ANKRD28: variants seen among roughly 807,000 people sequenced by gnomAD.
ANKRD28 encodes the protein serine/threonine-protein phosphatase 6 regulatory ankyrin repeat subunit A.
ANKRD28 carries 44 observed loss-of-function variants against 126.5 expected under a neutral mutation model. The observed-to-expected ratio is 0.35, with a 90% CI of 0.27 to 0.45. ANKRD28 has a LOEUF of 0.45. Among genes scored for constraint, ANKRD28 ranks in the 20% least tolerant of loss-of-function variants. The pLI is 1.00. For missense variants in ANKRD28, 1,110 were observed against 1,316.6 expected (o/e 0.84, Z 2.43); for synonymous variants, 442 against 468.5 (o/e 0.94, Z 0.73).
chr3:15,733,663 A>T (rs1464338817), intron 6 of ANKRD28, among the ~76,000 whole-genome samples: 1 of 152,236 alleles, frequency 6.6e-6, no homozygotes, highest in Non-Finnish European at 1.5e-5. Flanking sequence ...CTGATGCATG[A>T]ATGCTGTTGC....
intron 1 of ANKRD28, among the ~76,000 whole-genome samples, chr3:15,810,948 C>T (rs1007737618): frequency 2.0e-5 from 3 of 152,144 alleles, no homozygotes; most frequent in Admixed American, 2.0e-4. Context: ...GCAAACCAAG[C>T]CTACTGTGAG....
chr3:15,731,392 TAC>T lies in ANKRD28; in HGVS notation c.640+4016_640+4017del, dbSNP rs1001598033. ...CATGTAAGCCTCTTAACGTAAGATG[TAC>T]AGTTTTACATCACATAACCTGGTTG... On this transcript the variant is annotated intron_variant, in intron 6 of 27. Coordinates refer to ENST00000683139, the MANE Select transcript of ANKRD28 (RefSeq NM_001349278.2). Among the ~76,000 whole-genome samples, 81 of 152,342 alleles carry T rather than the reference TAC, an allele frequency of 5.3e-4. No homozygotes were observed. In the Middle Eastern group the frequency reaches 0.031, roughly 58 times the overall value.
intron 2 of ANKRD28, among the ~76,000 whole-genome samples, chr3:15,779,952 G>A (rs1429237668): frequency 6.6e-6 from 1 of 152,024 alleles, no homozygotes; most frequent in African/African-American, 2.4e-5. Flanking sequence ...GCCAAAAATG[G>A]CAGGCCCACA....
chr3:15,824,338 T>C (rs571775480), intron 1 of ANKRD28, among the ~76,000 whole-genome samples: 1 of 152,258 alleles, frequency 6.6e-6, no homozygotes, highest in Non-Finnish European at 1.5e-5. Context: ...GTATTTTTGA[T>C]AGTGACGGCA....
chr3:15,760,565 G>A, intron 3 of ANKRD28, among the ~76,000 whole-genome samples: 1 of 152,126 alleles, frequency 6.6e-6, no homozygotes, highest in East Asian at 1.9e-4. Context: ...TAGGAGAAAT[G>A]CAGTTGGAAA....
intron 10 of ANKRD28, among the ~76,000 whole-genome samples, chr3:15,712,608 A>G (rs900857121): frequency 1.3e-5 from 2 of 152,192 alleles, no homozygotes; most frequent in African/African-American, 4.8e-5. Flanking sequence ...AGGGAGCAAA[A>G]TTCACTACCC....
chr3:15,674,627 T>G (rs560378405), intron 27 of ANKRD28, among the ~76,000 whole-genome samples: 13 of 152,240 alleles, frequency 8.5e-5, no homozygotes, highest in Admixed American at 3.3e-4. Context: ...ATAGGTAGTA[T>G]TTAAAACCAA....
rs954807270 is a variant in ANKRD28 at position 15,815,928 on chromosome 3, C to T, written c.28-20622G>A. 2.6e-4 allele frequency among the ~76,000 whole-genome samples: 39 copies of T among 151,760 alleles called. No homozygotes were observed. Among genetic ancestry groups the T allele is most frequent in the African/African-American group, 8.8e-4 (36 of 41,102 alleles). ...CCAAAGAAAATTAATTTCTTGAGTA[C>T]GTCCATTTAAAAAGTTAATGTCTTC... On this transcript the variant is annotated intron_variant, in intron 1 of 27. Transcript: ENST00000399451. This position sits in a 1 kb window ranked among gnomAD's most constrained non-coding sequence, Gnocchi z 4.1.
chr3:15,824,447 T>C (rs1018213085), intron 1 of ANKRD28, among the ~76,000 whole-genome samples: 1 of 152,144 alleles, frequency 6.6e-6, no homozygotes, highest in African/African-American at 2.4e-5. Context: ...TGAGCTACTA[T>C]GCTTGGCCAA....
At position 15,667,818 on chromosome 3, in the gene ANKRD28, A is replaced by ATAAG. The variant is rs2066059823; in HGVS notation, c.*2448_*2451dup. On this transcript the variant is annotated 3_prime_UTR_variant, in exon 28 of 28. Transcript: ENST00000683139. Reference sequence around the variant, plus strand: ...TTTTTGGTAACAGCATCATTTACATATAAGTGATGCAGGATAGAAGTTCTG... The same window carrying ATAAG: ...TTTTTGGTAACAGCATCATTTACATATAAGTAAGTGATGCAGGATAGAAGTTCTG... The ATAAG allele has an allele frequency of 6.6e-6, 1 of 152,236 alleles. No individual in the cohort carries two copies. 9.4% of individuals were successfully genotyped at this position (152,236 alleles called of 1,614,324 possible). A position where few individuals can be genotyped will look rare whatever the true frequency, so the allele number is the denominator to read the frequency against.
At chr3:15,726,170 C>G (rs2074148098) in intron 6 of ANKRD28, among the ~76,000 whole-genome samples, 1 of 152,194 alleles carries the variant, frequency 6.6e-6, no homozygotes. Context: ...AATAACCCTA[C>G]AGCAGCCCCT....
intron 4 of ANKRD28, among the ~76,000 whole-genome samples, chr3:15,738,355 G>A (rs139021108): frequency 0.011 from 1,666 of 152,264 alleles, 96 homozygotes; most frequent in Admixed American, 0.086. Flanking sequence ...GGGAGTGTAC[G>A]AATAGGGTAT....
chr3:15,682,376 G>A (rs917621611), intron 21 of ANKRD28, among the ~76,000 whole-genome samples: 1 of 152,028 alleles, frequency 6.6e-6, no homozygotes, highest in African/African-American at 2.4e-5. Context: ...GAACAGTGGG[G>A]CCCCTTTGTG....
Position 15,839,908 on chromosome 3 carries a change from A to G in ANKRD28, c.27+19469T>C, listed in dbSNP as rs889012437. Among the ~76,000 whole-genome samples the G allele has an allele frequency of 6.6e-6, 1 of 152,208 alleles. No homozygotes were observed. Among genetic ancestry groups the G allele is most frequent in the African/African-American group, 2.4e-5 (1 of 41,450 alleles). The stretch of plus-strand genomic sequence containing the variant: ...ATACAGAAGAAACATACCTCAACAT[A>G]ATGAAAGCCATATACCACAGACACA... On this transcript the variant is annotated intron_variant, in intron 1 of 27. Transcript: ENST00000399451. This position sits in a 1 kb window ranked among gnomAD's most constrained non-coding sequence, Gnocchi z 4.3.
chr3:15,706,600 T>C (rs2071463988), intron 14 of ANKRD28, among the ~76,000 whole-genome samples: 2 of 152,194 alleles, frequency 1.3e-5, no homozygotes, highest in Admixed American at 1.3e-4. Context: ...TTTGGGTATA[T>C]ACCCAGTAAT....
intron 15 of ANKRD28, among the ~76,000 whole-genome samples, chr3:15,695,770 C>T (rs1234010784): frequency 6.6e-6 from 1 of 152,000 alleles, no homozygotes; most frequent in African/African-American, 2.4e-5. Context: ...TTTTGGAATT[C>T]CCTAAATATA....
In ANKRD28 at chr3:15,814,648, C is replaced by T. The variant is rs1480731139; in HGVS notation, c.28-19342G>A. Among the ~76,000 whole-genome samples, 2 of 151,968 alleles carry T rather than the reference C, an allele frequency of 1.3e-5. No homozygotes were observed. The highest frequency in any genetic ancestry group is 2.9e-5 in the Non-Finnish European group (2 of 67,946). Reference sequence around the variant, plus strand: ...ACACAAACACACACACACACATATACACACACAAACTTTTCAAATGCATTC... The same window carrying T: ...ACACAAACACACACACACACATATATACACACAAACTTTTCAAATGCATTC... On this transcript the variant is annotated intron_variant, in intron 1 of 27. Coordinates refer to the ANKRD28 transcript ENST00000399451. The surrounding 1 kb of genome is among the most constrained non-coding windows in gnomAD (Gnocchi z 4.7).
intron 4 of ANKRD28, among the ~76,000 whole-genome samples, chr3:15,743,001 A>G (rs1465668173): frequency 6.6e-6 from 1 of 151,908 alleles, no homozygotes; most frequent in African/African-American, 2.4e-5. Flanking sequence ...AGAGGTAGAC[A>G]TGGGAGACTT....
intron 14 of ANKRD28, among the ~76,000 whole-genome samples, chr3:15,702,353 G>T (rs2070743063): frequency 6.6e-6 from 1 of 152,122 alleles, no homozygotes. Context: ...ATTAGAGGGT[G>T]GGGGCAGAAG....
Sources: allele counts gnomAD v4.1 joint callset (sites outside exome capture counted in the v4.1 genomes callset), GRCh38; gene constraint gnomAD v4.1.1; non-coding constraint Gnocchi (gnomAD v3.1); transcripts MANE v1.5; gene names NCBI Gene and HGNC (gene_info 2026-07-23, HGNC 2026-07-21).